ESYT2: variants seen among roughly 807,000 people sequenced by gnomAD.
The protein encoded by ESYT2 is extended synaptotagmin 2.
ESYT2 carries 54 observed loss-of-function variants against 107.2 expected under a neutral mutation model. The ratio of observed to expected loss-of-function variants is 0.50; its 90% CI spans 0.40 to 0.63. The LOEUF (loss-of-function observed/expected upper bound fraction) is 0.63. Ranked by LOEUF, ESYT2 falls within the 30% of genes least tolerant of loss-of-function variation. ESYT2 has a pLI of 0.00. For synonymous variants in ESYT2, 491 were observed against 434.1 expected (o/e 1.13, Z -1.63); for missense variants, 1,020 against 1,094.5 (o/e 0.93, Z 0.96).
rs1587372668 is a variant in ESYT2 at position 158,741,671 on chromosome 7, CCT to C, written c.2018_2019del (p.Gln673ArgfsTer90). The C allele has an allele frequency of 1.2e-6, 2 of 1,613,954 alleles. No homozygotes were observed. The highest frequency in any genetic ancestry group is 1.3e-5 in the African/African-American group (1 of 74,994). On this transcript the variant is annotated frameshift_variant, in exon 18 of 23. Transcript: ENST00000275418. ...GAGCTTCTGCCCAGGTCGTGCAGCCCCTGAGGGCCGGCCTCAGGGGGCTGGGC... is the reference window on the plus strand; with the variant it reads ...GAGCTTCTGCCCAGGTCGTGCAGCCCGAGGGCCGGCCTCAGGGGGCTGGGC... ...EKAQPPEAGP[Q>X]GLHDLGRSSS...
At position 158,788,109 on chromosome 7, in the gene ESYT2, A is replaced by T; in HGVS notation, c.658-16T>A. 6.2e-7 allele frequency: 1 copy of T among 1,602,716 alleles called. No individual in the cohort carries two copies. On this transcript the variant is annotated splice_polypyrimidine_tract_variant and intron_variant, in intron 5 of 22. Coordinates refer to ENST00000275418, the MANE Select transcript of ESYT2 (RefSeq NM_001367773.1). ...TACCATGAATCTAAACTCAAACAGG[A>T]AACCAAAATATGTAATAGAAAACAT...
Position 158,731,873 on chromosome 7 carries a change from G to A in ESYT2, c.*2334C>T, listed in dbSNP as rs1045119523. ...ATCCTGGAGTGCTGAGTGTGGCCTC[G>A]ATGGTGGCTTCACTCCTCCACATCT... On this transcript the variant is annotated 3_prime_UTR_variant, in exon 23 of 23. Transcript: ENST00000275418. 1.3e-5 allele frequency: 2 copies of A among 152,484 alleles called. No individual in the cohort carries two copies. The highest frequency in any genetic ancestry group is 2.1e-4 in the South Asian group (1 of 4,822). 9.4% of individuals were successfully genotyped at this position (152,484 alleles called of 1,614,324 possible). A position where few individuals can be genotyped will look rare whatever the true frequency, so the allele number is the denominator to read the frequency against.
At chr7:158,739,301 C>A (rs765183899) in intron 18 of ESYT2, among the ~76,000 whole-genome samples, 180 bp from the exon 19 acceptor site, 8 of 152,200 alleles carry the variant, frequency 5.3e-5, no homozygotes, top group Non-Finnish European at 7.3e-5. Flanking sequence ...GAATATTTTA[C>A]TTGAGGGTTC....
chr7:158,813,792 G>A (rs939813685), intron 1 of ESYT2, among the ~76,000 whole-genome samples: 1 of 151,994 alleles, frequency 6.6e-6, no homozygotes, highest in Non-Finnish European at 1.5e-5. Flanking sequence ...TACGTTCCTC[G>A]TCCCGATGAC....
chr7:158,747,181 C>T (rs1837433829), intron 16 of ESYT2, among the ~76,000 whole-genome samples: 1 of 151,704 alleles, frequency 6.6e-6, no homozygotes, highest in African/African-American at 2.4e-5. Context: ...ACCCCGTCTC[C>T]ACTAAAAATA....
intron 1 of ESYT2, among the ~76,000 whole-genome samples, chr7:158,816,632 C>T (rs1040284086): frequency 5.3e-5 from 8 of 152,202 alleles, no homozygotes; most frequent in Admixed American, 2.0e-4. Context: ...CTGAAGCCAC[C>T]AAGTTGATGG....
rs1838217023 is a variant in ESYT2 at position 158,767,858 on chromosome 7, A to G, written c.804-84T>C. 4.1e-6 allele frequency: 6 copies of G among 1,480,194 alleles called. No homozygotes were observed. The Middle Eastern group carries it at 7.1e-4, about 175-fold the overall frequency. The allele number at this position is 1,480,194 out of a possible 1,614,324, so 91.7% of individuals were successfully genotyped here. ...ACCTTTGACAACAGACTTACCACGAATATGATGTAAGTCCCATTTATTTAC... is the reference window on the plus strand; with the variant it reads ...ACCTTTGACAACAGACTTACCACGAGTATGATGTAAGTCCCATTTATTTAC... On this transcript the variant is annotated intron_variant, in intron 7 of 22. Transcript: ENST00000275418.
intron 1 of ESYT2, among the ~76,000 whole-genome samples, chr7:158,804,561 T>TGCCGAGAAGGGTGAGGCGC (rs1563031950): frequency 7.2e-6 from 1 of 139,238 alleles, no homozygotes; most frequent in South Asian, 2.3e-4. Context: ...GGGTGAGGCG[T>TGCCGAGAAGGGTGAGGCGC]GTGATAAACC....
chr7:158,759,567 G>A lies in ESYT2; in HGVS notation c.1338C>T (p.Ile446=). The A allele has an allele frequency of 1.2e-6, 2 of 1,611,652 alleles. No individual in the cohort carries two copies. The highest frequency in any genetic ancestry group is 1.7e-6 in the Non-Finnish European group (2 of 1,178,062). The change falls in exon 13 of 23, where the codon ATC becomes ATT. Residue 446 remains isoleucine (I), a synonymous_variant. Coordinates refer to ENST00000275418, the MANE Select transcript of ESYT2 (RefSeq NM_001367773.1). ...CGTTGGCTTGGTCTTTGTCAGCTTT[G>A]ATGTCTGTTAGCACCTAAAAGGAAA... ...ASNLDKVLTD[I]KADKDQANDG...
chr7:158,787,561 C>G (rs539901282), intron 6 of ESYT2, among the ~76,000 whole-genome samples: 1 of 152,304 alleles, frequency 6.6e-6, no homozygotes, highest in East Asian at 1.9e-4. Context: ...AGCTCTGTAT[C>G]AGACTAAACT....
At chr7:158,781,052 AGTGT>A (rs932970477) in intron 6 of ESYT2, among the ~76,000 whole-genome samples, 1 of 152,228 alleles carries the variant, frequency 6.6e-6, no homozygotes, top group Non-Finnish European at 1.5e-5. Flanking sequence ...ATATGTGAGG[AGTGT>A]GTGAGAACAT....
intron 11 of ESYT2, 69 bp from the exon 12 acceptor site, chr7:158,760,216 T>C (rs1263779276): frequency 2.8e-6 from 4 of 1,407,382 alleles, no homozygotes; most frequent in Non-Finnish European, 4.0e-6. Context: ...AAACCCAGTC[T>C]CTACAAATGT....
intron 1 of ESYT2, among the ~76,000 whole-genome samples, chr7:158,813,287 G>C (rs1840040679): frequency 6.6e-6 from 1 of 152,180 alleles, no homozygotes; most frequent in South Asian, 2.1e-4. Context: ...TTGAAGCACA[G>C]AAGATTTTAG....
At chr7:158,819,241 C>G (rs775267944) in intron 1 of ESYT2, among the ~76,000 whole-genome samples, 1 of 152,196 alleles carries the variant, frequency 6.6e-6, no homozygotes, top group Non-Finnish European at 1.5e-5. Context: ...CTTCCAAGGC[C>G]AGACTTCTGC....
chr7:158,793,709 A>T lies in ESYT2; in HGVS notation c.525T>A (p.Gly175=). 6.2e-7 allele frequency: 1 copy of T among 1,613,410 alleles called. No homozygotes were observed. ...CTACATTTTCAGTGTATACCTTAACACCATTGATCCTGAGGGGCTGAAATA... is the reference window on the plus strand; with the variant it reads ...CTACATTTTCAGTGTATACCTTAACTCCATTGATCCTGAGGGGCTGAAATA... ...DVGQQPLRIN[G]VKVYTENVDK... The change falls in exon 4 of 23, where the codon GGT becomes GGA. Residue 175 remains glycine (G), a synonymous_variant. Coordinates refer to ENST00000275418, the MANE Select transcript of ESYT2 (RefSeq NM_001367773.1).
intron 18 of ESYT2, among the ~76,000 whole-genome samples, chr7:158,739,465 G>C (rs1837109272): frequency 6.6e-6 from 1 of 152,136 alleles, no homozygotes; most frequent in Admixed American, 6.5e-5. Flanking sequence ...TCCTGCCTCA[G>C]CCTCCTGAGT....
rs1563618446 is a variant in ESYT2 at position 158,741,864 on chromosome 7, T to TGAC, written c.1826_1827insGTC (p.Pro609_Asp610insSer). 6.2e-7 allele frequency: 1 copy of TGAC among 1,610,016 alleles called. No homozygotes were observed. The highest frequency in any genetic ancestry group is 8.5e-7 in the Non-Finnish European group (1 of 1,178,462). On this transcript the variant is annotated inframe_insertion, in exon 18 of 23. Transcript: ENST00000275418. ...TGACTTGAGCTGAGTGTTGGTGGTC[T>TGAC]GGAGGCCTTTCTCGCTTTTCGAGAT...
At chr7:158,801,984 C>T (rs1839659927) in intron 1 of ESYT2, among the ~76,000 whole-genome samples, 1 of 151,184 alleles carries the variant, frequency 6.6e-6, no homozygotes, top group Non-Finnish European at 1.5e-5. Flanking sequence ...TAACAGAAAA[C>T]AAAACGCCTC....
intron 7 of ESYT2, among the ~76,000 whole-genome samples, chr7:158,769,153 C>T (rs937737717): frequency 7.2e-5 from 11 of 152,200 alleles, no homozygotes; most frequent in East Asian, 3.8e-4. Context: ...ACAGTATCCA[C>T]GTGTGATGAC....
Sources: allele counts gnomAD v4.1 joint callset (sites outside exome capture counted in the v4.1 genomes callset), GRCh38; gene constraint gnomAD v4.1.1; transcripts MANE v1.5; gene names NCBI Gene and HGNC (gene_info 2026-07-23, HGNC 2026-07-21).